The following RYR2 variants were observed in gnomAD, a reference collection of about 807,000 sequenced individuals.
The protein encoded by RYR2 is cardiac muscle ryanodine receptor-calcium release channel.
In RYR2, 227 loss-of-function variants were observed where a neutral mutation model predicts 601.1. The ratio of observed to expected loss-of-function variants is 0.38; its 90% CI spans 0.34 to 0.42. The LOEUF is 0.42. Among genes scored for constraint, RYR2 ranks in the 10% least tolerant of loss-of-function variants. RYR2 has a pLI of 1.00. For synonymous variants in RYR2, 2,223 were observed against 2,175.1 expected (o/e 1.02, Z -0.61); for missense variants, 4,646 against 6,156.5 (o/e 0.75, Z 8.21).
chr1:237,199,887 G>T (rs950225977), intron 1 of RYR2, among the ~76,000 whole-genome samples: 6 of 152,130 alleles, frequency 3.9e-5, no homozygotes, highest in African/African-American at 1.2e-4. Flanking sequence ...TATCTACACT[G>T]ATATTAAATA....
At chr1:237,157,570 T>G (rs998347340) in intron 1 of RYR2, among the ~76,000 whole-genome samples, 5 of 152,126 alleles carry the variant, frequency 3.3e-5, no homozygotes. Flanking sequence ...AAGAATGAAA[T>G]GCTTTCATTT....
At chr1:237,265,857 A>G (rs1689012148) in intron 1 of RYR2, among the ~76,000 whole-genome samples, 5 of 152,228 alleles carry the variant, frequency 3.3e-5, no homozygotes, top group Non-Finnish European at 7.3e-5. Flanking sequence ...TTGATGGAGT[A>G]GAATCCACAG....
intron 1 of RYR2, among the ~76,000 whole-genome samples, chr1:237,198,818 T>A (rs1680853908): frequency 6.6e-6 from 1 of 150,802 alleles, no homozygotes; most frequent in Non-Finnish European, 1.5e-5. Context: ...AAGAAAAAGG[T>A]TTTAGACATA....
At chr1:237,150,851 T>G (rs755169984) in intron 1 of RYR2, among the ~76,000 whole-genome samples, 1 of 152,172 alleles carries the variant, frequency 6.6e-6, no homozygotes, top group Admixed American at 6.5e-5. Context: ...TTGCTTTTGA[T>G]TTTCAGGGGT....
chr1:237,057,224 C>T (rs773517786), intron 1 of RYR2, among the ~76,000 whole-genome samples: 8 of 152,042 alleles, frequency 5.3e-5, no homozygotes, highest in South Asian at 4.1e-4. Flanking sequence ...CTTGCTATGT[C>T]GCCCAGGCTG....
intron 42 of RYR2, 130 bp downstream of exon 42, chr1:237,631,671 C>T (rs1680289609): frequency 2.2e-6 from 1 of 461,998 alleles, no homozygotes; most frequent in Non-Finnish European, 3.5e-6. Context: ...CTCTGTCGCC[C>T]AGGCTGGAGT....
At chr1:237,202,593 A>T (rs1681318315) in intron 1 of RYR2, among the ~76,000 whole-genome samples, 1 of 152,132 alleles carries the variant, frequency 6.6e-6, no homozygotes, top group Non-Finnish European at 1.5e-5. Flanking sequence ...ATTTTAGTAG[A>T]GACGTGGTTT....
At chr1:237,241,048 A>T (rs781214000) in intron 1 of RYR2, among the ~76,000 whole-genome samples, 1 of 152,210 alleles carries the variant, frequency 6.6e-6, no homozygotes, top group Non-Finnish European at 1.5e-5. Flanking sequence ...AGATTCAAGG[A>T]TGGTAGCATT....
At chr1:237,294,598 TTTTA>T (rs1455329147) in intron 2 of RYR2, among the ~76,000 whole-genome samples, 18 of 152,182 alleles carry the variant, frequency 1.2e-4, no homozygotes, top group African/African-American at 3.9e-4. Flanking sequence ...AAGTAAAATA[TTTTA>T]TTTGATTAAT....
chr1:237,522,320 A>G (rs1355908830), intron 24 of RYR2, among the ~76,000 whole-genome samples: 3 of 152,226 alleles, frequency 2.0e-5, no homozygotes, highest in Non-Finnish European at 4.4e-5. Context: ...TCACACAAAG[A>G]AATCTCATAA....
intron 1 of RYR2, among the ~76,000 whole-genome samples, chr1:237,206,566 G>T (rs1283125082): frequency 6.6e-6 from 1 of 152,058 alleles, no homozygotes; most frequent in Non-Finnish European, 1.5e-5. Flanking sequence ...AATACTAAAA[G>T]ACTTATTTAT....
intron 4 of RYR2, among the ~76,000 whole-genome samples, chr1:237,362,877 G>A (rs1044582318): frequency 2.6e-5 from 4 of 151,990 alleles, no homozygotes; most frequent in African/African-American, 9.7e-5. Flanking sequence ...CTATTTTGTC[G>A]TGTATGCAGA....
At chr1:237,562,528 C>G (rs187777126) in intron 27 of RYR2, among the ~76,000 whole-genome samples, 18 of 152,136 alleles carry the variant, frequency 1.2e-4, no homozygotes, top group African/African-American at 3.9e-4. Context: ...CTGGGAGGTA[C>G]GGGGAGCACA....
intron 13 of RYR2, 40 bp from the exon 14 acceptor site, chr1:237,445,360 GA>G: frequency 6.2e-7 from 1 of 1,609,308 alleles, no homozygotes; most frequent in Non-Finnish European, 8.5e-7. Context: ...GTTTGGAAAA[GA>G]GACGTTGGGA....
chr1:237,095,056 G>A (rs1321347437), intron 1 of RYR2, among the ~76,000 whole-genome samples: 1 of 152,210 alleles, frequency 6.6e-6, no homozygotes, highest in African/African-American at 2.4e-5. Flanking sequence ...GAGGCTCAGA[G>A]AGGTTAAGTA....
Position 237,569,128 on chromosome 1 carries a change from T to C in RYR2, c.3424-17T>C, listed in dbSNP as rs1672396255. On this transcript the variant is annotated splice_polypyrimidine_tract_variant and intron_variant, in intron 28 of 104. Transcript: ENST00000366574. Reference sequence around the variant, plus strand: ...TGGCTTAGTCTGTGACAAGGGACTTTTCTGTCCTCTGTATAGGCCCAGCGG... The same window carrying C: ...TGGCTTAGTCTGTGACAAGGGACTTCTCTGTCCTCTGTATAGGCCCAGCGG... 1 of 1,602,628 alleles carries C rather than the reference T, an allele frequency of 6.2e-7. No homozygotes were observed. Among genetic ancestry groups the C allele is most frequent in the East Asian group, 2.2e-5 (1 of 44,610 alleles).
At chr1:237,554,281 A>C (rs1020105141) in intron 27 of RYR2, among the ~76,000 whole-genome samples, 4 of 151,828 alleles carry the variant, frequency 2.6e-5, no homozygotes, top group Non-Finnish European at 4.4e-5. Context: ...TATTCTGTGG[A>C]TATCATGACT....
intron 1 of RYR2, among the ~76,000 whole-genome samples, chr1:237,046,050 C>T (rs1660563087): frequency 1.3e-5 from 2 of 152,100 alleles, no homozygotes; most frequent in African/African-American, 4.8e-5. Flanking sequence ...GGTCTTCCTC[C>T]TGTCTTCTTT....
rs182881570 is a variant in RYR2, at chr1:237,065,011, G to A, written c.48+22442G>A. ...TTGGTGGCACGTAACATCGTATTGTGTGTTCTGTTTTAACTTGTTCTTAAG... is the reference window on the plus strand; with the variant it reads ...TTGGTGGCACGTAACATCGTATTGTATGTTCTGTTTTAACTTGTTCTTAAG... On this transcript the variant is annotated intron_variant, in intron 1 of 104. Coordinates refer to ENST00000366574, the MANE Select transcript of RYR2 (RefSeq NM_001035.3). 3.6e-3 allele frequency among the ~76,000 whole-genome samples: 547 copies of A among 151,832 alleles called. 4 individuals are homozygous for A. Among genetic ancestry groups the A allele is most frequent in the Non-Finnish European group, 5.0e-3 (337 of 67,916 alleles).
Sources: gnomAD v4.1 joint callset for allele counts (sites outside exome capture counted in the v4.1 genomes callset) on GRCh38, gnomAD v4.1.1 for gene constraint, MANE v1.5 for transcripts, NCBI Gene and HGNC (gene_info 2026-07-23, HGNC 2026-07-21) for gene names.